VWC2L: variants seen among roughly 807,000 people sequenced by gnomAD.
VWC2L encodes von Willebrand factor C domain-containing protein 2-like.
VWC2L carries 10 observed loss-of-function variants against 21.6 expected under a neutral mutation model. That is an observed-to-expected ratio of 0.46 (90% confidence interval 0.29 to 0.78). The LOEUF is 0.78. VWC2L is among the 30% of genes least tolerant of loss of function. The probability of loss-of-function intolerance (pLI) is 0.10; values close to 1 mark genes in which losing one functional copy is unlikely to be tolerated. For missense variants in VWC2L, 209 were observed against 277.1 expected (o/e 0.75, Z 1.74); for synonymous variants, 96 against 94.3 (o/e 1.02, Z -0.10).
intron 3 of VWC2L, among the ~76,000 whole-genome samples, chr2:214,522,680 T>G (rs545899589): frequency 6.6e-6 from 1 of 152,270 alleles, no homozygotes; most frequent in African/African-American, 2.4e-5. Context: ...TAATATGTCT[T>G]TTGAAGATAA....
At chr2:214,425,740 C>T (rs931858175) in intron 2 of VWC2L, among the ~76,000 whole-genome samples, 25 of 152,090 alleles carry the variant, frequency 1.6e-4, no homozygotes, top group African/African-American at 5.6e-4. Flanking sequence ...TATAGAGAAG[C>T]GGTAGATCTT....
intron 3 of VWC2L, among the ~76,000 whole-genome samples, chr2:214,556,295 C>T (rs1689871804): frequency 6.6e-6 from 1 of 152,050 alleles, no homozygotes. Flanking sequence ...GAGGTTTATT[C>T]TGCAGCAATT....
At chr2:214,481,539 C>G (rs1172336611) in intron 3 of VWC2L, among the ~76,000 whole-genome samples, 1 of 152,112 alleles carries the variant, frequency 6.6e-6, no homozygotes, top group Non-Finnish European at 1.5e-5. Context: ...CCAGTCAACC[C>G]CCAGAACTAT....
At chr2:214,572,951 T>C (rs1559335425) in intron 3 of VWC2L, among the ~76,000 whole-genome samples, 1 of 152,176 alleles carries the variant, frequency 6.6e-6, no homozygotes, top group African/African-American at 2.4e-5. Context: ...TGTCAATCAA[T>C]ATACAGTCAT....
intron 3 of VWC2L, among the ~76,000 whole-genome samples, chr2:214,556,745 A>G (rs931072480): frequency 2.6e-5 from 4 of 152,300 alleles, no homozygotes; most frequent in Admixed American, 2.6e-4. Flanking sequence ...ATACAAAATA[A>G]TCCAGTGATT....
At chr2:214,561,530 C>T (rs146798944) in intron 3 of VWC2L, among the ~76,000 whole-genome samples, 202 of 152,052 alleles carry the variant, frequency 1.3e-3, no homozygotes, top group African/African-American at 4.5e-3. Flanking sequence ...AATTTCAGCA[C>T]TTTGGGAAGC....
chr2:214,547,204 T>C (rs537046457), intron 3 of VWC2L, among the ~76,000 whole-genome samples: 24 of 93,878 alleles, frequency 2.6e-4, no homozygotes, highest in African/African-American at 1.0e-3. Context: ...TACTTGGGGT[T>C]AGTTTACTTC....
intron 2 of VWC2L, among the ~76,000 whole-genome samples, chr2:214,418,276 A>G (rs1702385575): frequency 6.6e-6 from 1 of 152,166 alleles, no homozygotes; most frequent in Non-Finnish European, 1.5e-5. Context: ...ATTATAACAC[A>G]TTTTATTTTA....
intron 3 of VWC2L, among the ~76,000 whole-genome samples, chr2:214,566,058 G>A (rs1490104754): frequency 6.6e-6 from 1 of 152,158 alleles, no homozygotes; most frequent in African/African-American, 2.4e-5. Flanking sequence ...AGAAGAAATA[G>A]GACAGTGATT....
At chr2:214,465,104 C>A (rs1332483321) in intron 3 of VWC2L, among the ~76,000 whole-genome samples, 2 of 152,066 alleles carry the variant, frequency 1.3e-5, no homozygotes, top group Non-Finnish European at 1.5e-5. Flanking sequence ...AATCAGGGAC[C>A]CCAGGAACTT....
At position 214,529,603 on chromosome 2, in the gene VWC2L, T is replaced by C. The variant is rs150854084; in HGVS notation, c.521-46069T>C. 2.3e-3 allele frequency among the ~76,000 whole-genome samples: 355 copies of C among 152,278 alleles called. 1 individual carries two copies. Among genetic ancestry groups the C allele is most frequent in the African/African-American group, 6.7e-3 (277 of 41,556 alleles). ...GGCAACTTGAAAAAGCTTGAGAGGC[T>C]AAAAGCACTTGTATCAAAGCCATTC... On this transcript the variant is annotated intron_variant, in intron 3 of 3. Transcript: ENST00000312504.
At chr2:214,480,738 C>T (rs1243733815) in intron 3 of VWC2L, among the ~76,000 whole-genome samples, 2 of 151,854 alleles carry the variant, frequency 1.3e-5, no homozygotes, top group African/African-American at 4.8e-5. Context: ...AAAATAGGCA[C>T]ACTCCCTTCC....
At chr2:214,574,721 C>T (rs1002767471) in intron 3 of VWC2L, among the ~76,000 whole-genome samples, 2 of 152,092 alleles carry the variant, frequency 1.3e-5, no homozygotes, top group African/African-American at 4.8e-5. Flanking sequence ...ACAATTTGTA[C>T]CATCCTACTA....
intron 2 of VWC2L, among the ~76,000 whole-genome samples, chr2:214,420,973 C>G (rs1442031012): frequency 1.3e-5 from 2 of 152,220 alleles, no homozygotes; most frequent in African/African-American, 4.8e-5. Context: ...GGCTCAGCCT[C>G]AGCATGCAGA....
At chr2:214,467,289 G>GATCAAT (rs1559299528) in intron 3 of VWC2L, among the ~76,000 whole-genome samples, 2 of 152,128 alleles carry the variant, frequency 1.3e-5, no homozygotes, top group African/African-American at 4.8e-5. Context: ...TGTATATGCT[G>GATCAAT]ATCAATACTC....
intron 3 of VWC2L, among the ~76,000 whole-genome samples, chr2:214,552,411 A>C (rs1689808005): frequency 6.6e-6 from 1 of 152,094 alleles, no homozygotes. Flanking sequence ...CACTTTCAAA[A>C]CAATAGAGGT....
intron 2 of VWC2L, among the ~76,000 whole-genome samples, chr2:214,421,090 G>T (rs968622432): frequency 1.3e-5 from 2 of 152,140 alleles, no homozygotes; most frequent in African/African-American, 4.8e-5. Context: ...TCATTCCAGA[G>T]ATTAGAAGTC....
chr2:214,441,259 T>C (rs956651348), intron 3 of VWC2L, among the ~76,000 whole-genome samples: 2 of 152,036 alleles, frequency 1.3e-5, no homozygotes, highest in Admixed American at 1.3e-4. Flanking sequence ...GGAGAACATA[T>C]TTGCCAAATA....
intron 3 of VWC2L, among the ~76,000 whole-genome samples, chr2:214,551,938 T>G (rs1163892410): frequency 6.6e-6 from 1 of 152,238 alleles, no homozygotes; most frequent in Non-Finnish European, 1.5e-5. Flanking sequence ...ATAGCATCAT[T>G]TTAACTCCTT....
Sources: allele counts gnomAD v4.1 joint callset (sites outside exome capture counted in the v4.1 genomes callset), GRCh38; gene constraint gnomAD v4.1.1; transcripts MANE v1.5; gene names NCBI Gene and HGNC (gene_info 2026-07-23, HGNC 2026-07-21).